DPY19L3: variants seen among roughly 807,000 people sequenced by gnomAD.
DPY19L3 encodes the protein protein C-mannosyl-transferase DPY19L3.
In DPY19L3, 51 loss-of-function variants were observed where a neutral mutation model predicts 92.3. That is an observed-to-expected ratio of 0.55 (90% CI 0.44 to 0.70). The LOEUF is 0.70. Among genes scored for constraint, DPY19L3 ranks in the 30% least tolerant of loss-of-function variants. The pLI is 0.00. For synonymous variants in DPY19L3, 309 were observed against 315.2 expected (o/e 0.98, Z 0.21); for missense variants, 706 against 855.9 (o/e 0.82, Z 2.18).
chr19:32,448,673 A>G (rs1383662472), intron 8 of DPY19L3, among the ~76,000 whole-genome samples: 1 of 152,156 alleles, frequency 6.6e-6, no homozygotes, highest in Non-Finnish European at 1.5e-5. Context: ...CTTCACATTG[A>G]GTAGGCCAAG....
chr19:32,437,923 C>T (rs776905749), intron 6 of DPY19L3, among the ~76,000 whole-genome samples: 5 of 152,072 alleles, frequency 3.3e-5, no homozygotes, highest in Non-Finnish European at 5.9e-5. Context: ...GTCCTCCCAC[C>T]TTGGCCTCCC....
At chr19:32,436,830 C>T (rs1409927203) in intron 5 of DPY19L3, among the ~76,000 whole-genome samples, 2 of 152,138 alleles carry the variant, frequency 1.3e-5, no homozygotes, top group Non-Finnish European at 2.9e-5. Flanking sequence ...CATTTGCTCT[C>T]TGTAATCAGG....
At chr19:32,424,485 G>A (rs951458787) in intron 3 of DPY19L3, among the ~76,000 whole-genome samples, 2 of 151,730 alleles carry the variant, frequency 1.3e-5, no homozygotes, top group Non-Finnish European at 2.9e-5. Context: ...AAAAAAATTA[G>A]CCAGGCTTGG....
intron 3 of DPY19L3, among the ~76,000 whole-genome samples, chr19:32,414,050 G>T (rs1968290897): frequency 6.6e-6 from 1 of 152,002 alleles, no homozygotes; most frequent in African/African-American, 2.4e-5. Context: ...GTGCTGGCAG[G>T]GCGTGGTGGA....
intron 2 of DPY19L3, among the ~76,000 whole-genome samples, chr19:32,410,017 T>A (rs1458331592): frequency 6.6e-6 from 1 of 152,192 alleles, no homozygotes; most frequent in Non-Finnish European, 1.5e-5. Context: ...TGCTGCCATG[T>A]TGCATTCCAG....
intron 12 of DPY19L3, among the ~76,000 whole-genome samples, chr19:32,459,679 G>A (rs1376890851): frequency 2.0e-5 from 3 of 152,174 alleles, no homozygotes; most frequent in Admixed American, 6.5e-5. Flanking sequence ...CAGTGGGCCT[G>A]CAGTATCTTC....
intron 8 of DPY19L3, among the ~76,000 whole-genome samples, chr19:32,450,437 TATTCATAGCAGTGTG>T: frequency 6.6e-6 from 1 of 152,316 alleles, no homozygotes; most frequent in Non-Finnish European, 1.5e-5. Context: ...TGTATATGAA[TATTCATAGCAGTGTG>T]ATTCATAGCT....
At chr19:32,450,899 C>T (rs1382560660) in intron 8 of DPY19L3, among the ~76,000 whole-genome samples, 3 of 152,162 alleles carry the variant, frequency 2.0e-5, no homozygotes, top group Non-Finnish European at 2.9e-5. Flanking sequence ...GAAGGAAAAA[C>T]TCTTCCTTCT....
At chr19:32,407,368 G>T (rs762315749) in intron 1 of DPY19L3, among the ~76,000 whole-genome samples, 6 of 149,100 alleles carry the variant, frequency 4.0e-5, no homozygotes, top group Non-Finnish European at 8.9e-5. Context: ...GAAGCTGCCA[G>T]TGTGAATTGT....
At chr19:32,426,976 T>A (rs1968785577) in intron 3 of DPY19L3, among the ~76,000 whole-genome samples, 1 of 152,166 alleles carries the variant, frequency 6.6e-6, no homozygotes, top group African/African-American at 2.4e-5. Flanking sequence ...CAATGTGTTC[T>A]TTCTTTGGTG....
intron 10 of DPY19L3, 27 bp from the exon 11 acceptor site, chr19:32,458,073 A>C: frequency 6.3e-7 from 1 of 1,578,528 alleles, no homozygotes; most frequent in Non-Finnish European, 8.7e-7. Context: ...GACTAATAGC[A>C]ATTTTTGTTT....
chr19:32,458,895 C>T (rs1270378468), intron 12 of DPY19L3, among the ~76,000 whole-genome samples: 1 of 152,208 alleles, frequency 6.6e-6, no homozygotes, highest in East Asian at 1.9e-4. Context: ...TAGACTTCGG[C>T]AGGTACAAGC....
intron 12 of DPY19L3, among the ~76,000 whole-genome samples, chr19:32,459,246 G>C (rs993267089): frequency 1.3e-5 from 2 of 152,166 alleles, no homozygotes; most frequent in Non-Finnish European, 2.9e-5. Flanking sequence ...AAGCTGCTGG[G>C]GGGGTTTGCA....
chr19:32,474,945 T>TAGACC (rs1970461807), intron 16 of DPY19L3, among the ~76,000 whole-genome samples: 1 of 152,140 alleles, frequency 6.6e-6, no homozygotes, highest in Non-Finnish European at 1.5e-5. Flanking sequence ...CAGCACGTAA[T>TAGACC]AGACCCTCAG....
chr19:32,447,769 ATAGATAGAT>A (rs943382558), intron 8 of DPY19L3, among the ~76,000 whole-genome samples: 16 of 138,844 alleles, frequency 1.2e-4, no homozygotes, highest in East Asian at 4.2e-4. Context: ...AGATAGATAG[ATAGATAGAT>A]TAGATAAGAT....
intron 1 of DPY19L3, among the ~76,000 whole-genome samples, chr19:32,406,975 A>G (rs763042457): frequency 2.0e-5 from 3 of 149,878 alleles, no homozygotes; most frequent in Non-Finnish European, 4.4e-5. Context: ...AGTGCTTGAA[A>G]GCACAGTACT....
chr19:32,453,402 G>C, intron 9 of DPY19L3, 126 bp downstream of exon 9: 1 of 933,484 alleles, frequency 1.1e-6, no homozygotes, highest in Non-Finnish European at 1.5e-6. Context: ...AAGAGCACGT[G>C]GCATTGTGTG....
chr19:32,439,920 G>C lies in DPY19L3; in HGVS notation c.855+10G>C. 2 of 1,610,464 alleles carry C rather than the reference G, an allele frequency of 1.2e-6. No individual in the cohort carries two copies. Among genetic ancestry groups the C allele is most frequent in the Non-Finnish European group, 1.7e-6 (2 of 1,178,902 alleles). Reference sequence around the variant, plus strand: ...GCTGCCAGCAGTGAAGGTGAGCTTTGCTTTCTTTTCTCACTTGAGATTTTG... The same window carrying C: ...GCTGCCAGCAGTGAAGGTGAGCTTTCCTTTCTTTTCTCACTTGAGATTTTG... On this transcript the variant is annotated intron_variant, in intron 8 of 18. Transcript: ENST00000392250.
chr19:32,448,997 A>T (rs1405960279), intron 8 of DPY19L3, among the ~76,000 whole-genome samples: 1 of 152,182 alleles, frequency 6.6e-6, no homozygotes, highest in Non-Finnish European at 1.5e-5. Flanking sequence ...CTCTCACTTG[A>T]TATAAAAAGA....
Sources: allele counts gnomAD v4.1 joint callset (sites outside exome capture counted in the v4.1 genomes callset), GRCh38; gene constraint gnomAD v4.1.1; transcripts MANE v1.5; gene names NCBI Gene and HGNC (gene_info 2026-07-23, HGNC 2026-07-21).